Variants in MYRIP observed in about 807,000 individuals in gnomAD.
MYRIP encodes the protein myosin VIIA and Rab interacting protein, also known as rab effector MyRIP.
In MYRIP, 49 loss-of-function variants were observed where a neutral mutation model predicts 98.0. That is an observed-to-expected ratio of 0.50 (90% CI 0.40 to 0.63). The LOEUF (loss-of-function observed/expected upper bound fraction) is 0.63, where lower values mean the gene tolerates loss of function less well. Ranked by LOEUF, MYRIP falls within the 30% of genes least tolerant of loss-of-function variation. MYRIP has a pLI of 0.00. For missense variants in MYRIP, 1,004 were observed against 1,058.2 expected, an observed-to-expected ratio of 0.95 and a Z score of 0.71; for synonymous variants, 404 against 409.5, an observed-to-expected ratio of 0.99 and a Z score of 0.16.
At chr3:39,919,367 C>T (rs1277236428) in intron 2 of MYRIP, among the ~76,000 whole-genome samples, 5 of 152,186 alleles carry the variant, frequency 3.3e-5, no homozygotes, top group African/African-American at 1.2e-4. Context: ...AGCCACAGGC[C>T]AATGGCTTTG....
intron 2 of MYRIP, among the ~76,000 whole-genome samples, chr3:39,953,497 G>A (rs139967279): frequency 2.7e-4 from 41 of 152,116 alleles, no homozygotes; most frequent in African/African-American, 6.0e-4. Context: ...TTTTTCTTCC[G>A]TTGCTATTAA....
intron 2 of MYRIP, among the ~76,000 whole-genome samples, chr3:40,026,095 C>T (rs1212356853): frequency 6.6e-6 from 1 of 152,128 alleles, no homozygotes; most frequent in Non-Finnish European, 1.5e-5. Flanking sequence ...CAGTCCTTAT[C>T]TCAGCCGCAT....
At chr3:39,890,748 A>G (rs1245417942) in intron 1 of MYRIP, among the ~76,000 whole-genome samples, 3 of 151,840 alleles carry the variant, frequency 2.0e-5, no homozygotes, top group Non-Finnish European at 4.4e-5. Context: ...AGTAGTGAAA[A>G]GGAAGACTGC....
chr3:40,107,802 A>C (rs1443658704), intron 3 of MYRIP, among the ~76,000 whole-genome samples: 3 of 152,236 alleles, frequency 2.0e-5, no homozygotes, highest in Non-Finnish European at 4.4e-5. Context: ...TTTAAGTCAG[A>C]ATTGACAGAT....
intron 3 of MYRIP, among the ~76,000 whole-genome samples, chr3:40,101,520 TTTTC>T (rs1382539848): frequency 1.3e-5 from 2 of 152,162 alleles, no homozygotes; most frequent in African/African-American, 4.8e-5. Flanking sequence ...CTTTCTTCCA[TTTTC>T]TTTGTTTCTT....
intron 3 of MYRIP, among the ~76,000 whole-genome samples, chr3:40,077,863 C>T (rs900285615): frequency 5.3e-5 from 8 of 152,248 alleles, no homozygotes; most frequent in African/African-American, 1.2e-4. Context: ...GATCCCGCAC[C>T]GGGGCTGCAG....
chr3:40,175,467 C>T (rs1337236346), intron 8 of MYRIP, among the ~76,000 whole-genome samples: 1 of 152,212 alleles, frequency 6.6e-6, no homozygotes, highest in African/African-American at 2.4e-5. Flanking sequence ...ACTTCTCTTC[C>T]TCCCTCCCTC....
chr3:40,255,567 A>ATAAT (rs1953556590), intron 16 of MYRIP, among the ~76,000 whole-genome samples: 1 of 152,266 alleles, frequency 6.6e-6, no homozygotes, highest in South Asian at 2.1e-4. Flanking sequence ...TAGGGCAGAA[A>ATAAT]TAATTACTTT....
At chr3:39,820,314 C>T (rs1014755866) in intron 1 of MYRIP, among the ~76,000 whole-genome samples, 1 of 152,150 alleles carries the variant, frequency 6.6e-6, no homozygotes, top group African/African-American at 2.4e-5. Context: ...GTCTGTCAAG[C>T]CCAGATGACA....
chr3:39,900,684 C>G (rs1943719325), intron 1 of MYRIP, 103 bp from the exon 2 acceptor site: 1 of 597,112 alleles, frequency 1.7e-6, no homozygotes, highest in South Asian at 2.3e-5. Context: ...CTTACATAAA[C>G]ACTTACATAT....
chr3:40,033,398 A>C (rs976515932), intron 2 of MYRIP, among the ~76,000 whole-genome samples: 8 of 152,080 alleles, frequency 5.3e-5, no homozygotes, highest in Non-Finnish European at 8.8e-5. Context: ...CAATGTACAA[A>C]AATCACAAGC....
intron 2 of MYRIP, among the ~76,000 whole-genome samples, chr3:39,994,162 A>G (rs892987648): frequency 2.0e-5 from 3 of 152,230 alleles, no homozygotes; most frequent in African/African-American, 7.2e-5. Flanking sequence ...TACTGGGTTC[A>G]TCTCACTGGG....
At chr3:40,247,558 C>T (rs1219410752) in intron 13 of MYRIP, among the ~76,000 whole-genome samples, 1 of 152,196 alleles carries the variant, frequency 6.6e-6, no homozygotes, top group Non-Finnish European at 1.5e-5. Flanking sequence ...GAGTCTCACT[C>T]TGTCGCCCAG....
chr3:39,833,604 A>G (rs1941537580), intron 1 of MYRIP, among the ~76,000 whole-genome samples: 1 of 152,226 alleles, frequency 6.6e-6, no homozygotes, highest in South Asian at 2.1e-4. Context: ...TGCCTGGCAT[A>G]GCGTTGGGTA....
At chr3:40,128,600 G>A (rs1031112914) in intron 3 of MYRIP, among the ~76,000 whole-genome samples, 3 of 152,192 alleles carry the variant, frequency 2.0e-5, no homozygotes, top group Non-Finnish European at 2.9e-5. Context: ...GAATCTCCAG[G>A]TTGGCGACAC....
intron 1 of MYRIP, among the ~76,000 whole-genome samples, chr3:39,856,880 G>T (rs1942312063): frequency 6.6e-6 from 1 of 152,174 alleles, no homozygotes; most frequent in Admixed American, 6.5e-5. Flanking sequence ...AACGCGGCAA[G>T]CAGCAAAGGA....
At position 40,158,171 on chromosome 3, in the gene MYRIP, G is replaced by A. The variant is rs149437265; in HGVS notation, c.470-4559G>A. On this transcript the variant is annotated intron_variant, in intron 4 of 16. Transcript: ENST00000302541. Reference sequence around the variant, plus strand: ...TCCCTCTACACACTGCTTTGAATGCGTCCCAGAGATTCCGGTATGTTGTGT... The same window carrying A: ...TCCCTCTACACACTGCTTTGAATGCATCCCAGAGATTCCGGTATGTTGTGT... Among the ~76,000 whole-genome samples the A allele has an allele frequency of 2.3e-3, 342 of 151,800 alleles. 3 individuals are homozygous for A. The highest frequency in any genetic ancestry group is 7.6e-3 in the African/African-American group (315 of 41,376).
chr3:39,910,164 C>T (rs1368749871), intron 2 of MYRIP, among the ~76,000 whole-genome samples: 4 of 152,176 alleles, frequency 2.6e-5, no homozygotes, highest in Non-Finnish European at 5.9e-5. Flanking sequence ...GCTGGGATTA[C>T]AGGCCTGAGC....
intron 1 of MYRIP, among the ~76,000 whole-genome samples, chr3:39,839,494 G>A (rs1941729740): frequency 2.0e-5 from 3 of 152,140 alleles, no homozygotes; most frequent in Admixed American, 6.6e-5. Flanking sequence ...CTGACCTCAC[G>A]TGATCTGCCC....
Sources: gnomAD v4.1 joint callset for allele counts (sites outside exome capture counted in the v4.1 genomes callset) on GRCh38, gnomAD v4.1.1 for gene constraint, MANE v1.5 for transcripts, NCBI Gene and HGNC (gene_info 2026-07-23, HGNC 2026-07-21) for gene names.